Variants in HSD17B3 observed in about 807,000 individuals in gnomAD.
The protein encoded by HSD17B3 is hydroxysteroid 17-beta dehydrogenase 3, also known as 17-beta-hydroxysteroid dehydrogenase type 3.
HSD17B3 carries 29 observed loss-of-function variants against 41.1 expected under a neutral mutation model. The ratio of observed to expected loss-of-function variants is 0.71; its 90% CI spans 0.53 to 0.96. The LOEUF (loss-of-function observed/expected upper bound fraction) is 0.96. HSD17B3 is among the 40% of genes least tolerant of loss of function. HSD17B3 has a pLI of 0.00. For missense variants in HSD17B3, 323 were observed against 374.6 expected, an observed-to-expected ratio of 0.86 and a Z score of 1.14; for synonymous variants, 126 against 145.6, an observed-to-expected ratio of 0.87 and a Z score of 0.97.
chr9:96,256,512 A>G lies in HSD17B3; in HGVS notation c.202-1569T>C, dbSNP rs547259631. Reference sequence around the variant, plus strand: ...AAAAAATAAAAATAAACAAATAAATAAATAAATAAATAACTGAGCGTGATG... The same window carrying G: ...AAAAAATAAAAATAAACAAATAAATGAATAAATAAATAACTGAGCGTGATG... On this transcript the variant is annotated intron_variant, in intron 2 of 10. Coordinates refer to ENST00000375263, the MANE Select transcript of HSD17B3 (RefSeq NM_000197.2). Among the ~76,000 whole-genome samples the G allele has an allele frequency of 4.0e-5, 6 of 151,298 alleles. No homozygotes were observed. The South Asian group carries it at 1.2e-3, about 31-fold the overall frequency.
At chr9:96,276,126 A>AAAAAAAAAAAAAAAAAG (rs1826447996) in intron 2 of HSD17B3, among the ~76,000 whole-genome samples, 1 of 149,854 alleles carries the variant, frequency 6.7e-6, no homozygotes, top group South Asian at 2.1e-4. Context: ...AAAAAAAAAA[A>AAAAAAAAAAAAAAAAAG]AAAAAACAGA....
At chr9:96,289,627 T>A (rs912790640) in intron 2 of HSD17B3, among the ~76,000 whole-genome samples, 6 of 152,168 alleles carry the variant, frequency 3.9e-5, no homozygotes, top group Non-Finnish European at 8.8e-5. Flanking sequence ...CAAAGGATGC[T>A]CTTTGCCTGG....
chr9:96,235,553 C>T lies in HSD17B3; in HGVS notation c.840G>A (p.Leu280=), dbSNP rs765426822. 5.6e-6 allele frequency: 9 copies of T among 1,614,034 alleles called. No individual in the cohort carries two copies. The South Asian group carries it at 9.9e-5, about 18-fold the overall frequency. The change falls in exon 11 of 11, where the codon CTG becomes CTA. Residue 280 remains leucine (L), a synonymous_variant. Coordinates refer to ENST00000375263, the MANE Select transcript of HSD17B3 (RefSeq NM_000197.2). ...AHEILAGFLS[L]IPAWAFYSGA... ...CGCTGTAGAAGGCCCAGGCCGGGAT[C>T]AGGCTCAGAAAGCCCGCCTTAAACA... is the stretch of plus-strand genomic sequence containing the variant.
chr9:96,253,055 G>T, intron 3 of HSD17B3, 145 bp from the exon 4 acceptor site: 1 of 700,938 alleles, frequency 1.4e-6, no homozygotes, highest in East Asian at 2.6e-5. Flanking sequence ...ACATGGTTCT[G>T]GGTAAATGTT....
chr9:96,293,539 T>C (rs765998715), intron 2 of HSD17B3, among the ~76,000 whole-genome samples: 4 of 151,736 alleles, frequency 2.6e-5, no homozygotes, highest in African/African-American at 4.8e-5. Context: ...TCTCCCTCCC[T>C]TCCTCTCCCA....
At position 96,301,946 on chromosome 9, in the gene HSD17B3, C is replaced by A. The variant is rs199734603; in HGVS notation, c.154+5G>T. ...AAAAAAACATGAGATGGAACACTCC[C>A]TTACCTGCCCACTGTCCCATTGACC... is the stretch of plus-strand genomic sequence containing the variant. On this transcript the variant is annotated splice_donor_5th_base_variant and intron_variant, in intron 1 of 10. Coordinates refer to ENST00000375263, the MANE Select transcript of HSD17B3 (RefSeq NM_000197.2). 3.7e-5 allele frequency: 60 copies of A among 1,613,808 alleles called. No individual in the cohort carries two copies. Among genetic ancestry groups the A allele is most frequent in the Admixed American group, 1.7e-5 (1 of 60,002 alleles).
chr9:96,240,690 C>A, intron 10 of HSD17B3, 68 bp downstream of exon 10: 1 of 1,520,630 alleles, frequency 6.6e-7, no homozygotes. Flanking sequence ...AGAGCTAGCC[C>A]AGCCCTGCCA....
intron 2 of HSD17B3, among the ~76,000 whole-genome samples, chr9:96,264,091 T>C (rs1421708892): frequency 6.6e-6 from 1 of 152,204 alleles, no homozygotes; most frequent in Non-Finnish European, 1.5e-5. Context: ...TGTCATTTTG[T>C]ACCCAATAAT....
At chr9:96,279,741 G>T (rs532221247) in intron 2 of HSD17B3, among the ~76,000 whole-genome samples, 100 of 152,024 alleles carry the variant, frequency 6.6e-4, no homozygotes, top group African/African-American at 2.4e-3. Flanking sequence ...TGTGATGTTG[G>T]TATCTTATTG....
intron 8 of HSD17B3, 144 bp downstream of exon 8, chr9:96,245,201 T>A (rs1836611850): frequency 1.3e-6 from 1 of 767,888 alleles, no homozygotes; most frequent in Non-Finnish European, 2.4e-6. Context: ...CTCTTGGACT[T>A]CCCAGTGAGT....
chr9:96,256,213 A>C (rs2130736203), intron 2 of HSD17B3: 1 of 152,342 alleles, frequency 6.6e-6, no homozygotes, highest in African/African-American at 2.4e-5. Flanking sequence ...CTACCACCTT[A>C]ACAAAAATGT....
intron 9 of HSD17B3, among the ~76,000 whole-genome samples, chr9:96,243,880 A>G (rs779583260): frequency 6.6e-6 from 1 of 152,090 alleles, no homozygotes; most frequent in Non-Finnish European, 1.5e-5. Context: ...TCCCCTGGTG[A>G]CTAGCCCCTC....
intron 6 of HSD17B3, among the ~76,000 whole-genome samples, chr9:96,249,120 C>T (rs767935605): frequency 6.6e-6 from 1 of 152,078 alleles, no homozygotes; most frequent in Non-Finnish European, 1.5e-5. Context: ...TTGGACAGGA[C>T]GGTCTCCAAC....
intron 2 of HSD17B3, among the ~76,000 whole-genome samples, chr9:96,272,433 ATATATATATATAT>A (rs1826295805): frequency 8.0e-5 from 7 of 87,042 alleles, no homozygotes; most frequent in Non-Finnish European, 1.6e-4. Flanking sequence ...ATATATATAT[ATATATATATATAT>A]AAAATATATA....
At chr9:96,286,810 T>C (rs903742428) in intron 2 of HSD17B3, among the ~76,000 whole-genome samples, 10 of 152,244 alleles carry the variant, frequency 6.6e-5, no homozygotes, top group African/African-American at 1.7e-4. Context: ...AATCAGAAAG[T>C]TACCTTATAT....
At chr9:96,277,007 C>G (rs922417051) in intron 2 of HSD17B3, among the ~76,000 whole-genome samples, 1 of 152,146 alleles carries the variant, frequency 6.6e-6, no homozygotes, top group African/African-American at 2.4e-5. Context: ...CGAGACCATC[C>G]TGGCTAACAC....
intron 2 of HSD17B3, among the ~76,000 whole-genome samples, chr9:96,261,598 C>T (rs904103941): frequency 2.0e-5 from 3 of 152,164 alleles, no homozygotes; most frequent in East Asian, 1.9e-4. Flanking sequence ...GGGGTGCATT[C>T]GCCAGGGCCA....
In HSD17B3 at chr9:96,298,419, G is replaced by A. The variant is rs375025655; in HGVS notation, c.198C>T (p.Phe66=). ...AGDGIGKAYS[F]ELAKRGLNVV... Reference sequence around the variant, plus strand: ...AGTCCCCAGGAAGATAGCTTACCTCGAACGAGTACGCTTTCCCAATTCCAT... The same window carrying A: ...AGTCCCCAGGAAGATAGCTTACCTCAAACGAGTACGCTTTCCCAATTCCAT... Residue 66 remains phenylalanine (F), a synonymous_variant, in exon 2 of 11, where the codon TTC becomes TTT. Coordinates refer to ENST00000375263, the MANE Select transcript of HSD17B3 (RefSeq NM_000197.2). 44 of 1,612,998 alleles carry A rather than the reference G, an allele frequency of 2.7e-5. No homozygotes were observed. The highest frequency in any genetic ancestry group is 2.2e-4 in the East Asian group (10 of 44,888).
At chr9:96,280,657 A>G (rs888941911) in intron 2 of HSD17B3, among the ~76,000 whole-genome samples, 9 of 152,168 alleles carry the variant, frequency 5.9e-5, no homozygotes, top group Non-Finnish European at 1.2e-4. Context: ...TCCATCTTAA[A>G]TAGGAGCTGG....
Sources: gnomAD v4.1 joint callset for allele counts (sites outside exome capture counted in the v4.1 genomes callset) on GRCh38, gnomAD v4.1.1 for gene constraint, MANE v1.5 for transcripts, NCBI Gene and HGNC (gene_info 2026-07-23, HGNC 2026-07-21) for gene names.